Variants in DLC1 observed in about 807,000 individuals in gnomAD.
The protein encoded by DLC1 is rho GTPase-activating protein 7.
Under a neutral mutation model 140.3 loss-of-function variants are expected in DLC1, and 54 were observed. The observed-to-expected ratio is 0.38, with a 90% confidence interval of 0.31 to 0.48. DLC1 has a LOEUF of 0.48. Among genes scored for constraint, DLC1 ranks in the 20% least tolerant of loss-of-function variants. The probability of loss-of-function intolerance (pLI) is 0.96; values close to 1 mark genes in which losing one functional copy is unlikely to be tolerated. For missense variants in DLC1, 2,536 were observed against 1,907.0 expected (o/e 1.33, Z -6.14); for synonymous variants, 986 against 728.1 (o/e 1.35, Z -5.70).
At chr8:13,241,586 G>A (rs1424645492) in intron 5 of DLC1, among the ~76,000 whole-genome samples, 1 of 152,162 alleles carries the variant, frequency 6.6e-6, no homozygotes, top group African/African-American at 2.4e-5. Flanking sequence ...TGTATGAAAA[G>A]CCTTTCCTTT....
chr8:13,436,367 C>A (rs991401897), intron 2 of DLC1, among the ~76,000 whole-genome samples: 1 of 152,174 alleles, frequency 6.6e-6, no homozygotes, highest in South Asian at 2.1e-4. Context: ...AAAATGACAT[C>A]ATATCAAATT....
At chr8:13,132,640 A>G (rs1465614216) in intron 5 of DLC1, among the ~76,000 whole-genome samples, 2 of 152,114 alleles carry the variant, frequency 1.3e-5, no homozygotes, top group Non-Finnish European at 2.9e-5. Context: ...CAAGGAGGAA[A>G]GTGAACCAGG....
At chr8:13,270,124 T>C (rs558787752) in intron 5 of DLC1, among the ~76,000 whole-genome samples, 1 of 152,288 alleles carries the variant, frequency 6.6e-6, no homozygotes, top group African/African-American at 2.4e-5. Flanking sequence ...AATAATTCAT[T>C]TGAAATAGAG....
Position 13,088,573 on chromosome 8 carries a change from G to C in DLC1, c.4206C>G (p.Ile1402Met), listed in dbSNP as rs556430417. Residue 1402 changes from isoleucine (I) to methionine (M), a missense_variant, in exon 16 of 18, where the codon ATC becomes ATG. Ile to Met is a conservative substitution (Grantham distance 10). Coordinates refer to ENST00000276297, the MANE Select transcript of DLC1 (RefSeq NM_182643.3). The stretch of plus-strand genomic sequence containing the variant: ...TTTCAGTTTGGCTGTCCAGAATTTC[G>C]ATCACTTTTGAATCCAACAGGTCTA... ...WDVDLLDSKV[I>M]EILDSQTEIY... 7 of 1,614,094 alleles carry C rather than the reference G, an allele frequency of 4.3e-6. No homozygotes were observed. The African/African-American group carries it at 5.3e-5, about 12-fold the overall frequency.
chr8:13,402,308 G>A (rs896524245), intron 2 of DLC1, among the ~76,000 whole-genome samples: 1 of 152,104 alleles, frequency 6.6e-6, no homozygotes, highest in Non-Finnish European at 1.5e-5. Flanking sequence ...TTTAATCATA[G>A]GAGTAGCTAA....
intron 5 of DLC1, among the ~76,000 whole-genome samples, chr8:13,291,945 C>T (rs935029374): frequency 6.6e-6 from 1 of 151,172 alleles, no homozygotes; most frequent in South Asian, 2.1e-4. Flanking sequence ...TTGCCTCGCT[C>T]AGATTCTACC....
At chr8:13,196,917 T>G (rs17790619) in intron 5 of DLC1, among the ~76,000 whole-genome samples, 7,371 of 152,312 alleles carry the variant, frequency 0.048, 203 homozygotes, top group Non-Finnish European at 0.066. Context: ...AAATCTATCT[T>G]AGAACTTTCT....
chr8:13,272,403 T>C (rs1830970830), intron 5 of DLC1, among the ~76,000 whole-genome samples: 1 of 152,072 alleles, frequency 6.6e-6, no homozygotes, highest in African/African-American at 2.4e-5. Flanking sequence ...ATCATGCCAC[T>C]GCACTCCAGC....
chr8:13,098,300 A>G, intron 10 of DLC1, 99 bp downstream of exon 10: 1 of 1,387,682 alleles, frequency 7.2e-7, no homozygotes, highest in Non-Finnish European at 9.9e-7. Flanking sequence ...ATATATTAAT[A>G]AAGGAGAGAA....
chr8:13,093,993 T>C (rs1213701418), intron 12 of DLC1, among the ~76,000 whole-genome samples: 1 of 152,198 alleles, frequency 6.6e-6, no homozygotes, highest in Non-Finnish European at 1.5e-5. Context: ...GAGACTGAGA[T>C]GAATAACAGA....
At chr8:13,356,956 G>A (rs1421412933) in intron 4 of DLC1, among the ~76,000 whole-genome samples, 3 of 151,976 alleles carry the variant, frequency 2.0e-5, no homozygotes, top group Non-Finnish European at 1.5e-5. Flanking sequence ...TTACAAGTAC[G>A]AGTTCAGAGA....
At chr8:13,506,581 G>GTGTATA (rs1246764417) in intron 1 of DLC1, among the ~76,000 whole-genome samples, 2 of 131,140 alleles carry the variant, frequency 1.5e-5, no homozygotes, top group African/African-American at 6.4e-5. Flanking sequence ...GTGTGTGTGT[G>GTGTATA]TATATATATA....
intron 1 of DLC1, among the ~76,000 whole-genome samples, chr8:13,589,920 A>G (rs538255055): frequency 2.0e-5 from 3 of 151,898 alleles, no homozygotes. Flanking sequence ...TGCACCAAAT[A>G]TGTTCACAGC....
chr8:13,451,037 C>CAAA (rs1169620786), intron 2 of DLC1, among the ~76,000 whole-genome samples: 396 of 18,378 alleles, frequency 0.022, 110 homozygotes, highest in Non-Finnish European at 0.035. Flanking sequence ...GACTCCGTCT[C>CAAA]AAAAAAAAAA....
chr8:13,177,325 A>T (rs1392029071), intron 5 of DLC1, among the ~76,000 whole-genome samples: 1 of 152,224 alleles, frequency 6.6e-6, no homozygotes, highest in African/African-American at 2.4e-5. Flanking sequence ...AAAGCTAGAT[A>T]TTAATGATAT....
In DLC1 at chr8:13,255,586, C is replaced by T. The variant is rs1293078750; in HGVS notation, c.1348+49683G>A. On this transcript the variant is annotated intron_variant, in intron 5 of 17. Coordinates refer to ENST00000276297, the MANE Select transcript of DLC1 (RefSeq NM_182643.3). Reference sequence around the variant, plus strand: ...GAGGGTTGAAAACTACAGCTTTCTACTTTAGCCAAGCAAGATGACTCTGGA... The same window carrying T: ...GAGGGTTGAAAACTACAGCTTTCTATTTTAGCCAAGCAAGATGACTCTGGA... Among the ~76,000 whole-genome samples, 7 of 152,180 alleles carry T rather than the reference C, an allele frequency of 4.6e-5. No homozygotes were observed. In the South Asian group the frequency reaches 1.0e-3, roughly 22 times the overall value.
At chr8:13,276,314 C>T (rs1169905593) in intron 5 of DLC1, 9 of 1,535,420 alleles carry the variant, frequency 5.9e-6, no homozygotes, top group Non-Finnish European at 7.8e-6. Context: ...GGGCTCTGGC[C>T]GTGGAGTCCC....
chr8:13,349,671 C>A (rs1834545148), intron 4 of DLC1, among the ~76,000 whole-genome samples: 1 of 152,100 alleles, frequency 6.6e-6, no homozygotes, highest in Non-Finnish European at 1.5e-5. Context: ...AAGGAAAGTC[C>A]CTAACACGAA....
At chr8:13,182,164 G>A (rs913639995) in intron 5 of DLC1, among the ~76,000 whole-genome samples, 74 of 152,066 alleles carry the variant, frequency 4.9e-4, no homozygotes, top group African/African-American at 1.7e-3. Flanking sequence ...CATATCCTTT[G>A]CCCACTTTTT....
Sources: gnomAD v4.1 joint callset for allele counts (sites outside exome capture counted in the v4.1 genomes callset) on GRCh38, gnomAD v4.1.1 for gene constraint, MANE v1.5 for transcripts, NCBI Gene and HGNC (gene_info 2026-07-23, HGNC 2026-07-21) for gene names.